Variants in TBPL2 observed in about 807,000 individuals in gnomAD.
TBPL2 encodes the protein TATA box-binding protein-like 2.
TBPL2 carries 40 observed loss-of-function variants against 38.2 expected under a neutral mutation model. That is an observed-to-expected ratio of 1.05 (90% CI 0.81 to 1.36). TBPL2 has a LOEUF of 1.36. Among genes scored for constraint, TBPL2 ranks in the 40% most tolerant of loss-of-function variants. The probability of loss-of-function intolerance (pLI) is 0.00; values close to 1 mark genes in which losing one functional copy is unlikely to be tolerated. For synonymous variants in TBPL2, 169 were observed against 171.7 expected (o/e 0.98, Z 0.12); for missense variants, 461 against 456.7 (o/e 1.01, Z -0.09).
intron 4 of TBPL2, among the ~76,000 whole-genome samples, chr14:55,433,095 A>G (rs1885957961): frequency 6.6e-6 from 1 of 152,088 alleles, no homozygotes; most frequent in Non-Finnish European, 1.5e-5. Flanking sequence ...TCGGTTTAAT[A>G]GGGGAAACTG....
chr14:55,423,932 A>T (rs558126570), intron 6 of TBPL2, among the ~76,000 whole-genome samples: 1 of 152,388 alleles, frequency 6.6e-6, no homozygotes, highest in Admixed American at 6.5e-5. Context: ...TAAAAAAATC[A>T]GGATGTAAAG....
At chr14:55,434,046 A>G (rs941433287) in intron 3 of TBPL2, among the ~76,000 whole-genome samples, 9 of 152,336 alleles carry the variant, frequency 5.9e-5, no homozygotes, top group African/African-American at 2.2e-4. Flanking sequence ...CTCCAATATT[A>G]CACAGGAAGT....
chr14:55,432,528 AAAAAC>A (rs1028680236), intron 4 of TBPL2, among the ~76,000 whole-genome samples: 2 of 136,800 alleles, frequency 1.5e-5, no homozygotes, highest in African/African-American at 3.6e-5. Context: ...TTAACAAAAC[AAAAAC>A]AAAAGATAAA....
At chr14:55,432,419 A>G (rs1300709045) in intron 4 of TBPL2, among the ~76,000 whole-genome samples, 1 of 151,904 alleles carries the variant, frequency 6.6e-6, no homozygotes, top group Non-Finnish European at 1.5e-5. Context: ...TCTCAGAAAA[A>G]AAAAAACAAC....
At chr14:55,415,881 A>G (rs1342253305) in intron 6 of TBPL2, among the ~76,000 whole-genome samples, 2 of 152,172 alleles carry the variant, frequency 1.3e-5, no homozygotes, top group Non-Finnish European at 2.9e-5. Context: ...AAAAAAATGT[A>G]TGGTGTGTAT....
At chr14:55,420,831 G>A (rs1402732555) in intron 6 of TBPL2, among the ~76,000 whole-genome samples, 3 of 151,952 alleles carry the variant, frequency 2.0e-5, no homozygotes, top group Non-Finnish European at 4.4e-5. Flanking sequence ...TGGCCGAGGC[G>A]GGTGGATCAC....
chr14:55,421,940 A>G (rs1366597729), intron 6 of TBPL2, among the ~76,000 whole-genome samples: 1 of 152,236 alleles, frequency 6.6e-6, no homozygotes, highest in African/African-American at 2.4e-5. Flanking sequence ...AGATGAGGCA[A>G]GATTTTATAA....
chr14:55,415,511 A>G (rs1885655078), intron 6 of TBPL2, among the ~76,000 whole-genome samples: 1 of 152,220 alleles, frequency 6.6e-6, no homozygotes, highest in Non-Finnish European at 1.5e-5. Flanking sequence ...TCATTGCAGC[A>G]CTATTCACAC....
At chr14:55,438,195 T>C (rs1335837765) in intron 1 of TBPL2, among the ~76,000 whole-genome samples, 1 of 152,210 alleles carries the variant, frequency 6.6e-6, no homozygotes, top group Admixed American at 6.5e-5. Context: ...CCGTGTTGCA[T>C]CTTCTCAGTG....
intron 6 of TBPL2, among the ~76,000 whole-genome samples, chr14:55,420,946 A>G (rs1885733128): frequency 6.6e-6 from 1 of 151,752 alleles, no homozygotes; most frequent in African/African-American, 2.4e-5. Flanking sequence ...CTGTAGTCCC[A>G]GCTACTGGGG....
chr14:55,414,337 A>T, exon 7 of TBPL2: 1 of 1,425,566 alleles, frequency 7.0e-7, no homozygotes, highest in Non-Finnish European at 9.7e-7. Context: ...GGGCTTATGG[A>T]CATATTCAAA....
intron 6 of TBPL2, among the ~76,000 whole-genome samples, chr14:55,419,508 C>G (rs76914627): frequency 6.6e-6 from 1 of 152,164 alleles, no homozygotes; most frequent in Non-Finnish European, 1.5e-5. Context: ...AAATGTCACA[C>G]CAGCCACAGA....
chr14:55,423,690 G>A (rs1300881658), intron 6 of TBPL2, among the ~76,000 whole-genome samples: 1 of 152,168 alleles, frequency 6.6e-6, no homozygotes, highest in Non-Finnish European at 1.5e-5. Context: ...ACATTTCAGA[G>A]CCCATTCCTT....
chr14:55,416,697 A>C (rs10140902), intron 6 of TBPL2, among the ~76,000 whole-genome samples: 12,292 of 152,178 alleles, frequency 0.081, 1,461 homozygotes, highest in African/African-American at 0.26. Flanking sequence ...AAGAAGCAAG[A>C]ACCACTGCCT....
At chr14:55,422,652 G>A (rs1885762463) in intron 6 of TBPL2, among the ~76,000 whole-genome samples, 1 of 152,152 alleles carries the variant, frequency 6.6e-6, no homozygotes, top group Non-Finnish European at 1.5e-5. Context: ...AGAGGTTCGA[G>A]ACCAGCCTAG....
chr14:55,427,467 G>A (rs896592617), intron 5 of TBPL2, among the ~76,000 whole-genome samples: 5 of 152,142 alleles, frequency 3.3e-5, no homozygotes. Flanking sequence ...GGAAAGCACA[G>A]CAATATGATC....
chr14:55,431,466 T>C (rs1039276043), intron 4 of TBPL2, among the ~76,000 whole-genome samples: 4 of 152,240 alleles, frequency 2.6e-5, no homozygotes, highest in Non-Finnish European at 4.4e-5. Flanking sequence ...TCAGTATGTG[T>C]ACTATATGGC....
At chr14:55,432,096 A>AAATTTGTT (rs1885937215) in intron 4 of TBPL2, among the ~76,000 whole-genome samples, 1 of 152,158 alleles carries the variant, frequency 6.6e-6, no homozygotes, top group African/African-American at 2.4e-5. Flanking sequence ...ATACCCTTCA[A>AAATTTGTT]AATTTGTGTT....
At chr14:55,417,572 G>A (rs1885687233) in intron 6 of TBPL2, among the ~76,000 whole-genome samples, 1 of 151,326 alleles carries the variant, frequency 6.6e-6, no homozygotes, top group Non-Finnish European at 1.5e-5. Flanking sequence ...TGATTCTCAT[G>A]CCTCAGCCTC....
Sources: gnomAD v4.1 joint callset for allele counts (sites outside exome capture counted in the v4.1 genomes callset) on GRCh38, gnomAD v4.1.1 for gene constraint, MANE v1.5 for transcripts, NCBI Gene and HGNC (gene_info 2026-07-23, HGNC 2026-07-21) for gene names.